ADGRB3: variants seen among roughly 807,000 people sequenced by gnomAD.
ADGRB3 encodes adhesion G protein-coupled receptor B3.
A neutral mutation model predicts 193.4 loss-of-function variants in ADGRB3; 37 were observed. That is an observed-to-expected ratio of 0.19 (90% confidence interval 0.15 to 0.25). The LOEUF (loss-of-function observed/expected upper bound fraction) is 0.25. ADGRB3 is among the 10% of genes least tolerant of loss of function. The pLI is 1.00. For synonymous variants in ADGRB3, 690 were observed against 644.2 expected (o/e 1.07, Z -1.08); for missense variants, 1,637 against 1,852.9 (o/e 0.88, Z 2.14).
intron 3 of ADGRB3, among the ~76,000 whole-genome samples, chr6:68,801,180 C>T (rs1013800034): frequency 6.6e-6 from 1 of 152,156 alleles, no homozygotes; most frequent in African/African-American, 2.4e-5. Flanking sequence ...TGTGTTGTTT[C>T]TAGAAGTTTC....
chr6:68,742,301 C>T (rs1317372918), intron 3 of ADGRB3, among the ~76,000 whole-genome samples: 4 of 151,898 alleles, frequency 2.6e-5, no homozygotes, highest in Non-Finnish European at 1.5e-5. Context: ...TATTATGTCT[C>T]AACATAAATA....
chr6:69,129,658 A>G (rs553287284), intron 17 of ADGRB3, among the ~76,000 whole-genome samples: 1 of 152,280 alleles, frequency 6.6e-6, no homozygotes, highest in East Asian at 1.9e-4. Flanking sequence ...TTCCCAGGTT[A>G]CACACACTGT....
chr6:68,949,286 T>C (rs1453305360), intron 6 of ADGRB3, among the ~76,000 whole-genome samples: 1 of 152,110 alleles, frequency 6.6e-6, no homozygotes, highest in African/African-American at 2.4e-5. Flanking sequence ...CTGAGCAGTG[T>C]CACACCCGTC....
intron 3 of ADGRB3, among the ~76,000 whole-genome samples, chr6:68,879,507 C>T (rs1295309244): frequency 6.6e-6 from 1 of 152,022 alleles, no homozygotes; most frequent in African/African-American, 2.4e-5. Flanking sequence ...GGATTACAGG[C>T]GTGAGCCACC....
At chr6:68,819,232 C>T (rs1767701846) in intron 3 of ADGRB3, among the ~76,000 whole-genome samples, 1 of 151,980 alleles carries the variant, frequency 6.6e-6, no homozygotes, top group Admixed American at 6.6e-5. Flanking sequence ...TCACCCTTTT[C>T]ACTCCATTGA....
At chr6:69,176,605 T>C (rs1178652227) in intron 17 of ADGRB3, among the ~76,000 whole-genome samples, 4 of 152,146 alleles carry the variant, frequency 2.6e-5, no homozygotes, top group African/African-American at 9.7e-5. Flanking sequence ...TGTGGTGTCT[T>C]TGCCAGCTTT....
intron 23 of ADGRB3, chr6:69,332,630 A>G: frequency 1.0e-6 from 1 of 985,454 alleles, no homozygotes; most frequent in Non-Finnish European, 1.2e-6. Flanking sequence ...AGAATGCCAG[A>G]TTGGCATAGT....
intron 13 of ADGRB3, among the ~76,000 whole-genome samples, chr6:69,031,031 TC>T (rs1770644437): frequency 8.6e-5 from 6 of 69,836 alleles, no homozygotes; most frequent in Admixed American, 1.3e-4. Context: ...TTTTTCCTCT[TC>T]TCTTCTCTCT....
At chr6:68,851,964 C>A (rs537692403) in intron 3 of ADGRB3, among the ~76,000 whole-genome samples, 65 of 151,812 alleles carry the variant, frequency 4.3e-4, no homozygotes, top group African/African-American at 1.4e-3. Flanking sequence ...TGCAATGAGC[C>A]AAGTTTTATT....
At chr6:68,927,144 C>T (rs190889709) in intron 3 of ADGRB3, among the ~76,000 whole-genome samples, 1 of 151,808 alleles carries the variant, frequency 6.6e-6, no homozygotes, top group East Asian at 1.9e-4. Context: ...CCTGTATATT[C>T]ATAAACCATG....
intron 20 of ADGRB3, among the ~76,000 whole-genome samples, chr6:69,291,762 G>A (rs1292688090): frequency 6.6e-6 from 1 of 151,954 alleles, no homozygotes; most frequent in East Asian, 1.9e-4. Context: ...ATGGTACATT[G>A]GCATATTAAC....
At chr6:69,262,966 G>T (rs9446106) in intron 20 of ADGRB3, among the ~76,000 whole-genome samples, 1,710 of 152,026 alleles carry the variant, frequency 0.011, 29 homozygotes, top group African/African-American at 0.039. Context: ...TCTAAAAATA[G>T]ATGTTGCATT....
intron 17 of ADGRB3, among the ~76,000 whole-genome samples, chr6:69,180,547 G>A (rs1308010389): frequency 6.6e-6 from 1 of 152,208 alleles, no homozygotes; most frequent in Non-Finnish European, 1.5e-5. Flanking sequence ...GCCTAGGAAT[G>A]GAGTAGAGAG....
intron 3 of ADGRB3, among the ~76,000 whole-genome samples, chr6:68,883,843 G>T (rs950023137): frequency 7.9e-5 from 12 of 152,112 alleles, no homozygotes; most frequent in African/African-American, 2.9e-4. Flanking sequence ...ACCAATTCTG[G>T]ACACAGAAAT....
At chr6:68,752,963 G>A (rs1766229847) in intron 3 of ADGRB3, among the ~76,000 whole-genome samples, 1 of 152,150 alleles carries the variant, frequency 6.6e-6, no homozygotes, top group Non-Finnish European at 1.5e-5. Context: ...GAAAGTGAAG[G>A]AGTTTGTTCT....
chr6:68,706,532 C>T (rs1230814831), intron 3 of ADGRB3, among the ~76,000 whole-genome samples: 1 of 152,206 alleles, frequency 6.6e-6, no homozygotes. Flanking sequence ...AGCACCAGCT[C>T]TGAGCCACGC....
chr6:69,000,092 A>G (rs1769521959), intron 11 of ADGRB3, among the ~76,000 whole-genome samples: 1 of 152,246 alleles, frequency 6.6e-6, no homozygotes, highest in Non-Finnish European at 1.5e-5. Context: ...ATAAAATTTA[A>G]TCAGACATAT....
At chr6:69,149,559 A>G (rs1341168351) in intron 17 of ADGRB3, among the ~76,000 whole-genome samples, 3 of 151,904 alleles carry the variant, frequency 2.0e-5, no homozygotes, top group Non-Finnish European at 4.4e-5. Flanking sequence ...TATTTACTTC[A>G]TTTAGTGTGG....
At chr6:69,220,619 C>T (rs1407851867) in intron 17 of ADGRB3, among the ~76,000 whole-genome samples, 2 of 152,080 alleles carry the variant, frequency 1.3e-5, no homozygotes, top group African/African-American at 4.8e-5. Context: ...CTGAGCTCAA[C>T]AGATTGAGAT....
Sources: gnomAD v4.1 joint callset for allele counts (sites outside exome capture counted in the v4.1 genomes callset) on GRCh38, gnomAD v4.1.1 for gene constraint, MANE v1.5 for transcripts, NCBI Gene and HGNC (gene_info 2026-07-23, HGNC 2026-07-21) for gene names.